The following ROBO1 variants were observed in gnomAD, a reference collection of about 807,000 sequenced individuals.
ROBO1 encodes roundabout homolog 1.
Under a neutral mutation model 195.9 loss-of-function variants are expected in ROBO1, and 149 were observed. The observed-to-expected ratio is 0.76, with a 90% confidence interval of 0.67 to 0.87. The LOEUF (loss-of-function observed/expected upper bound fraction) is 0.87. Among genes scored for constraint, ROBO1 ranks in the 40% least tolerant of loss-of-function variants. The probability of loss-of-function intolerance (pLI) is 0.00; values close to 1 mark genes in which losing one functional copy is unlikely to be tolerated. For missense variants in ROBO1, 1,933 were observed against 2,068.3 expected, an observed-to-expected ratio of 0.93 and a Z score of 1.27; for synonymous variants, 816 against 733.2, an observed-to-expected ratio of 1.11 and a Z score of -1.82.
At chr3:79,709,708 T>G (rs1702199101) in intron 1 of ROBO1, among the ~76,000 whole-genome samples, 1 of 152,168 alleles carries the variant, frequency 6.6e-6, no homozygotes, top group South Asian at 2.1e-4. Context: ...TCCCTCCGCC[T>G]GCCCCAAATT....
intron 1 of ROBO1, among the ~76,000 whole-genome samples, chr3:79,714,546 A>G (rs1702402562): frequency 6.6e-6 from 1 of 151,974 alleles, no homozygotes; most frequent in Non-Finnish European, 1.5e-5. Context: ...AGACACATGC[A>G]CATGTATGTT....
chr3:78,774,528 T>G (rs551011264), intron 4 of ROBO1, among the ~76,000 whole-genome samples: 1 of 152,176 alleles, frequency 6.6e-6, no homozygotes, highest in South Asian at 2.1e-4. Context: ...GCCAGGATGG[T>G]CTCGATCTCC....
chr3:78,965,738 A>G lies in ROBO1; in HGVS notation c.173-26811T>C, dbSNP rs904842568. 2.0e-5 allele frequency among the ~76,000 whole-genome samples: 3 copies of G among 152,214 alleles called. No homozygotes were observed. The East Asian group carries it at 5.8e-4, about 29-fold the overall frequency. ...AAAACAGTAGTATTTAATAAGAATA[A>G]CTTCAAAACATAATTTCTCACTCCA... On this transcript the variant is annotated intron_variant, in intron 3 of 30. Transcript: ENST00000464233.
intron 3 of ROBO1, among the ~76,000 whole-genome samples, chr3:79,023,547 T>C (rs1323442094): frequency 6.6e-6 from 1 of 152,062 alleles, no homozygotes; most frequent in Non-Finnish European, 1.5e-5. Context: ...CTTTTGTTTG[T>C]TTGCTTCTCT....
chr3:78,734,259 A>G (rs984072902), intron 5 of ROBO1, among the ~76,000 whole-genome samples: 13 of 152,070 alleles, frequency 8.5e-5, no homozygotes, highest in African/African-American at 3.1e-4. Flanking sequence ...TGTTACTTTG[A>G]CTGAAACTAA....
Position 78,647,634 on chromosome 3 carries a change from G to T in ROBO1, c.2834C>A (p.Pro945Gln). The T allele has an allele frequency of 1.2e-6, 2 of 1,611,566 alleles. No homozygotes were observed. Among genetic ancestry groups the T allele is most frequent in the South Asian group, 1.1e-5 (1 of 90,990 alleles). Residue 945 changes from proline to glutamine, a missense_variant, in exon 20 of 31, where the codon CCA becomes CAA. Pro to Gln is a moderately conservative substitution (Grantham distance 76, BLOSUM62 -1). Coordinates refer to ENST00000464233, the MANE Select transcript of ROBO1 (RefSeq NM_002941.4). ...GGGTAAGTGCAAATATATACCTGTT[G>T]GTGTGAAGGTAAAAGACGGGACTGA... ...IRKVPSFTFT[P>Q]TVTYQRGGEA...
chr3:79,142,595 A>G lies in ROBO1; in HGVS notation c.89-17056T>C, dbSNP rs145296977. On this transcript the variant is annotated intron_variant, in intron 2 of 30. Transcript: ENST00000464233. ...TAGAGTGGACACAGCCTAGGTGACT[A>G]GCAAATATAAGACTTTTTGTTCTAA... Among the ~76,000 whole-genome samples the G allele has an allele frequency of 6.6e-5, 10 of 152,286 alleles. No homozygotes were observed. In the East Asian group the frequency reaches 1.9e-3, roughly 29 times the overall value.
At chr3:79,459,041 T>C (rs917379801) in intron 2 of ROBO1, among the ~76,000 whole-genome samples, 2 of 152,180 alleles carry the variant, frequency 1.3e-5, no homozygotes, top group African/African-American at 2.4e-5. Context: ...TTATTAAACG[T>C]TTTTAAGTGG....
intron 3 of ROBO1, among the ~76,000 whole-genome samples, chr3:79,053,160 C>A (rs1170354092): frequency 6.6e-6 from 1 of 151,928 alleles, no homozygotes; most frequent in Non-Finnish European, 1.5e-5. Context: ...ACGTGCCATC[C>A]TAATGACATA....
intron 4 of ROBO1, among the ~76,000 whole-genome samples, chr3:78,906,776 T>C (rs1227271307): frequency 6.6e-6 from 1 of 152,124 alleles, no homozygotes; most frequent in Non-Finnish European, 1.5e-5. Flanking sequence ...TAAATACTTA[T>C]TGATATACTG....
intron 2 of ROBO1, among the ~76,000 whole-genome samples, chr3:79,204,414 T>C (rs1163907716): frequency 1.3e-5 from 2 of 152,050 alleles, no homozygotes; most frequent in Admixed American, 6.6e-5. Context: ...TATTCTTTAG[T>C]GTGTAACCTC....
At chr3:79,109,206 T>C (rs578143061) in intron 3 of ROBO1, among the ~76,000 whole-genome samples, 1 of 151,972 alleles carries the variant, frequency 6.6e-6, no homozygotes, top group Admixed American at 6.6e-5. Flanking sequence ...TTGGGGGTAC[T>C]TATTCAAAGT....
intron 2 of ROBO1, among the ~76,000 whole-genome samples, chr3:79,372,741 A>G (rs944321007): frequency 6.6e-6 from 1 of 152,208 alleles, no homozygotes; most frequent in Non-Finnish European, 1.5e-5. Context: ...TCCAGTTTCC[A>G]GAACTGTGAG....
At chr3:79,127,020 A>C (rs1043694232) in intron 2 of ROBO1, among the ~76,000 whole-genome samples, 2 of 152,076 alleles carry the variant, frequency 1.3e-5, no homozygotes, top group African/African-American at 4.8e-5. Context: ...AAAAAAAAAA[A>C]AAGTTAAGAT....
chr3:79,509,334 T>A (rs935840903), intron 2 of ROBO1, among the ~76,000 whole-genome samples: 1 of 152,134 alleles, frequency 6.6e-6, no homozygotes, highest in Admixed American at 6.6e-5. Context: ...TAAACACCTC[T>A]CTTTTTAATG....
At chr3:78,621,958 A>G (rs1704484013) in intron 26 of ROBO1, among the ~76,000 whole-genome samples, 1 of 152,210 alleles carries the variant, frequency 6.6e-6, no homozygotes, top group Non-Finnish European at 1.5e-5. Flanking sequence ...AGTAACTATT[A>G]CCTCAACTTA....
chr3:79,193,582 T>A (rs1341425414), intron 2 of ROBO1, among the ~76,000 whole-genome samples: 1 of 94,426 alleles, frequency 1.1e-5, no homozygotes, highest in Non-Finnish European at 2.0e-5. Flanking sequence ...GTGGTTTTGC[T>A]TTTTTTTTTT....
At chr3:79,575,902 CTGTT>C (rs920368267) in intron 2 of ROBO1, among the ~76,000 whole-genome samples, 5 of 152,036 alleles carry the variant, frequency 3.3e-5, no homozygotes, top group African/African-American at 9.6e-5. Context: ...CATCATGTCA[CTGTT>C]TGAGTAGAAC....
At chr3:79,691,102 C>T (rs991369499) in intron 1 of ROBO1, among the ~76,000 whole-genome samples, 2 of 151,884 alleles carry the variant, frequency 1.3e-5, no homozygotes, top group African/African-American at 2.4e-5. Flanking sequence ...AAACCCAGGT[C>T]TGGAAATCCC....
Sources: gnomAD v4.1 joint callset for allele counts (sites outside exome capture counted in the v4.1 genomes callset) on GRCh38, gnomAD v4.1.1 for gene constraint, MANE v1.5 for transcripts, NCBI Gene and HGNC (gene_info 2026-07-23, HGNC 2026-07-21) for gene names.